DNAL1: variants seen among roughly 807,000 people sequenced by gnomAD.
DNAL1 encodes the protein dynein axonemal light chain 1.
In DNAL1, 17 loss-of-function variants were observed where a neutral mutation model predicts 29.4. That is an observed-to-expected ratio of 0.58 (90% confidence interval 0.40 to 0.87). The LOEUF is 0.87. Ranked by LOEUF, DNAL1 falls within the 40% of genes least tolerant of loss-of-function variation. The probability of loss-of-function intolerance (pLI) is 0.00; values close to 1 mark genes in which losing one functional copy is unlikely to be tolerated. For synonymous variants in DNAL1, 78 were observed against 76.3 expected (o/e 1.02, Z -0.12); for missense variants, 188 against 214.1 (o/e 0.88, Z 0.76).
intron 6 of DNAL1, among the ~76,000 whole-genome samples, chr14:73,689,040 T>A (rs1006815377): frequency 7.0e-6 from 1 of 143,316 alleles, no homozygotes; most frequent in African/African-American, 2.6e-5. Flanking sequence ...TTTTTTTTTT[T>A]TTTTTTTTTT....
chr14:73,648,134 C>T (rs4903131), intron 1 of DNAL1, among the ~76,000 whole-genome samples: 34,228 of 151,752 alleles, frequency 0.23, 5,037 homozygotes, highest in Non-Finnish European at 0.33. Flanking sequence ...CTCACCACCA[C>T]GCCCGGCTAA....
intron 2 of DNAL1, among the ~76,000 whole-genome samples, chr14:73,657,703 C>T (rs1488752413): frequency 1.3e-5 from 2 of 152,220 alleles, no homozygotes; most frequent in African/African-American, 2.4e-5. Flanking sequence ...AAGCAATTCT[C>T]CTGCCTCAGC....
chr14:73,657,064 A>G (rs116849225), intron 2 of DNAL1, among the ~76,000 whole-genome samples: 3,978 of 152,050 alleles, frequency 0.026, 75 homozygotes, highest in Non-Finnish European at 0.042. Context: ...GATTATAGGC[A>G]TGAGCCATTG....
Position 73,658,892 on chromosome 14 carries a change from C to T in DNAL1, c.88C>T (p.Leu30Phe). 1 of 1,600,974 alleles carries T rather than the reference C, an allele frequency of 6.2e-7. No individual in the cohort carries two copies. Among genetic ancestry groups the T allele is most frequent in the Non-Finnish European group, 8.5e-7 (1 of 1,173,402 alleles). Residue 30 changes from leucine to phenylalanine, a missense_variant, in exon 3 of 8, where the codon CTT (leucine) becomes TTT (phenylalanine). Transcript: ENST00000553645. The part of the protein sequence containing the change: ...QRPSEAKEIK[L>F]YAQIPPIEKM... ...GCCATCTGAAGCCAAAGAGATAAAACTTTATGCCCAGATTCCCCCTATAGA... is the reference window on the plus strand; with the variant it reads ...GCCATCTGAAGCCAAAGAGATAAAATTTTATGCCCAGATTCCCCCTATAGA...
Position 73,701,073 on chromosome 14 carries a change from T to C in DNAL1, c.*5131T>C, listed in dbSNP as rs1210405427. 1 of 152,242 alleles carries C rather than the reference T, an allele frequency of 6.6e-6. No homozygotes were observed. Among genetic ancestry groups the C allele is most frequent in the East Asian group, 1.9e-4 (1 of 5,202 alleles). The allele number at this position is 152,242 out of a possible 1,614,324, so 9.4% of individuals were successfully genotyped here. A position where few individuals can be genotyped will look rare whatever the true frequency, so the allele number is the denominator to read the frequency against. ...GGAAGAACTAGACTGAGTCTTACCTTTCTCTGACCTAAGATAAACTGATAA... is the reference window on the plus strand; with the variant it reads ...GGAAGAACTAGACTGAGTCTTACCTCTCTCTGACCTAAGATAAACTGATAA... On this transcript the variant is annotated 3_prime_UTR_variant, in exon 8 of 8. Transcript: ENST00000553645.
chr14:73,677,832 C>T (rs1413627524), intron 5 of DNAL1, among the ~76,000 whole-genome samples: 1 of 149,750 alleles, frequency 6.7e-6, no homozygotes, highest in Non-Finnish European at 1.5e-5. Flanking sequence ...GCTGGGATTA[C>T]AGGCGTGAGC....
At chr14:73,650,438 G>T (rs1891088857) in intron 1 of DNAL1, among the ~76,000 whole-genome samples, 1 of 152,014 alleles carries the variant, frequency 6.6e-6, no homozygotes, top group Non-Finnish European at 1.5e-5. Flanking sequence ...TTTATCATCT[G>T]CTCCTTCTAA....
At chr14:73,671,496 G>A in intron 4 of DNAL1, 46 bp from the exon 5 acceptor site, 16 of 1,386,588 alleles carry the variant, frequency 1.2e-5, no homozygotes, top group South Asian at 1.7e-5. Flanking sequence ...CAACAATTGT[G>A]TAATATGATT....
chr14:73,693,896 C>T (rs968488955), intron 7 of DNAL1, among the ~76,000 whole-genome samples: 26 of 151,952 alleles, frequency 1.7e-4, no homozygotes, highest in Admixed American at 1.3e-3. Context: ...TCAATCTGTA[C>T]GTTATAATTT....
At chr14:73,694,232 C>A (rs1892240637) in intron 7 of DNAL1, among the ~76,000 whole-genome samples, 1 of 113,254 alleles carries the variant, frequency 8.8e-6, no homozygotes, top group African/African-American at 3.1e-5. Flanking sequence ...ATAGCAAGCC[C>A]TGTCTATAAA....
chr14:73,665,041 ATAGAG>A (rs905936974), intron 4 of DNAL1, among the ~76,000 whole-genome samples: 14 of 152,294 alleles, frequency 9.2e-5, no homozygotes, highest in African/African-American at 3.4e-4. Flanking sequence ...TAGTATATAT[ATAGAG>A]TACTTAGAAT....
intron 1 of DNAL1, among the ~76,000 whole-genome samples, chr14:73,648,417 TTTG>T (rs375846251): frequency 0.045 from 6,027 of 132,938 alleles, 437 homozygotes; most frequent in Middle Eastern, 0.072. Context: ...TATATATATA[TTTG>T]TTGTTTGTTT....
At chr14:73,645,211 G>A (rs1029036665) in intron 1 of DNAL1, among the ~76,000 whole-genome samples, 169 bp downstream of exon 1, 1 of 152,174 alleles carries the variant, frequency 6.6e-6, no homozygotes. Context: ...GCCCTGGCCG[G>A]GGGTGGTCTG....
intron 3 of DNAL1, among the ~76,000 whole-genome samples, chr14:73,660,488 T>C (rs1019419877): frequency 1.3e-5 from 2 of 152,192 alleles, no homozygotes; most frequent in Non-Finnish European, 2.9e-5. Context: ...TCATCTGCAC[T>C]TTATGCAGGA....
At chr14:73,649,352 G>A (rs776468104) in intron 1 of DNAL1, among the ~76,000 whole-genome samples, 1 of 150,682 alleles carries the variant, frequency 6.6e-6, no homozygotes, top group African/African-American at 2.4e-5. Flanking sequence ...GCGCGATCTC[G>A]GCTCACGGCA....
chr14:73,682,977 AGC>A (rs1420844502), intron 5 of DNAL1, among the ~76,000 whole-genome samples: 1 of 150,328 alleles, frequency 6.7e-6, no homozygotes, highest in African/African-American at 2.5e-5. Context: ...CCTGGGTTCA[AGC>A]GATTCTTCTG....
chr14:73,677,256 C>T (rs574238498), intron 5 of DNAL1, among the ~76,000 whole-genome samples: 1 of 152,152 alleles, frequency 6.6e-6, no homozygotes, highest in South Asian at 2.1e-4. Flanking sequence ...AGGCATGAGC[C>T]ACCGCGCCCA....
chr14:73,662,246 A>G (rs1022069369), intron 4 of DNAL1, among the ~76,000 whole-genome samples: 4 of 152,230 alleles, frequency 2.6e-5, no homozygotes, highest in African/African-American at 9.6e-5. Flanking sequence ...AAAGACATTT[A>G]AAAGCTTTTA....
chr14:73,659,789 A>C (rs189191623), intron 3 of DNAL1: 1 of 152,218 alleles, frequency 6.6e-6, no homozygotes, highest in Non-Finnish European at 1.5e-5. Flanking sequence ...ATTATAAAAA[A>C]CACATTATAA....
Sources: gnomAD v4.1 joint callset for allele counts (sites outside exome capture counted in the v4.1 genomes callset) on GRCh38, gnomAD v4.1.1 for gene constraint, MANE v1.5 for transcripts, NCBI Gene and HGNC (gene_info 2026-07-23, HGNC 2026-07-21) for gene names.